The following NEDD4 variants were observed in gnomAD, a reference collection of about 807,000 sequenced individuals.
NEDD4 encodes the protein E3 ubiquitin-protein ligase NEDD4.
Under a neutral mutation model 144.9 loss-of-function variants are expected in NEDD4, and 99 were observed. The observed-to-expected ratio is 0.68, with a 90% CI of 0.58 to 0.81. The LOEUF (loss-of-function observed/expected upper bound fraction) is 0.81. Ranked by LOEUF, NEDD4 falls within the 30% of genes least tolerant of loss-of-function variation. The pLI is 0.00. For synonymous variants in NEDD4, 318 were observed against 350.6 expected (o/e 0.91, Z 1.04); for missense variants, 985 against 1,065.9 (o/e 0.92, Z 1.06).
At chr15:55,987,117 A>T (rs1189205244) in intron 1 of NEDD4, 1 of 118,016 alleles carries the variant, frequency 8.5e-6, no homozygotes, top group Non-Finnish European at 1.7e-5. Context: ...ATTTCTCCAC[A>T]TCCTCTCCAG....
In NEDD4 at chr15:55,915,472, G is replaced by A. The variant is rs867678028; in HGVS notation, c.291+9174C>T. 19 of 1,613,544 alleles carry A rather than the reference G, an allele frequency of 1.2e-5. No homozygotes were observed. The Middle Eastern group carries it at 1.6e-3, about 140-fold the overall frequency. On this transcript the variant is annotated intron_variant, in intron 5 of 28. Transcript: ENST00000435532. ...GCTCCTCCCAATGAAATACTTCTTC[G>A]TAAAATACCATGGTTTTTGTTCATC...
rs1326678578 is a variant in NEDD4, at chr15:55,951,426, T to C, written c.199-12A>G. 2 of 1,139,470 alleles carry C rather than the reference T, an allele frequency of 1.8e-6. No individual in the cohort carries two copies. Among genetic ancestry groups the C allele is most frequent in the Non-Finnish European group, 2.5e-6 (2 of 804,620 alleles). The allele number at this position is 1,139,470 out of a possible 1,614,324, so 70.6% of individuals were successfully genotyped here. ...TTTGGATTCAAACTCTAAAAAATAA[T>C]AAACATAGTATAACTAAATAAGGTT... On this transcript the variant is annotated splice_polypyrimidine_tract_variant and intron_variant, in intron 3 of 28. Coordinates refer to ENST00000435532, the MANE Select transcript of NEDD4 (RefSeq NM_006154.4).
At chr15:55,837,906 A>G (rs2033287472) in intron 23 of NEDD4, 57 bp from the exon 24 acceptor site, 24 of 1,402,172 alleles carry the variant, frequency 1.7e-5, no homozygotes, top group Non-Finnish European at 2.2e-5. Flanking sequence ...CTGAGGCACA[A>G]TTATTCTAGT....
rs56960244 is a variant in NEDD4 at position 55,974,737 on chromosome 15, A to AAAC, written c.46-8192_46-8191insGTT. ...ACATCTCTTCATGATAAAAAAAAAA[A>AAAC]CCCTCAAAAACCTGACTATAGATGG... On this transcript the variant is annotated intron_variant, in intron 1 of 28. Transcript: ENST00000435532. Among the ~76,000 whole-genome samples, 32 of 150,696 alleles carry AAAC rather than the reference A, an allele frequency of 2.1e-4. 1 individual carries two copies. In the East Asian group the frequency reaches 4.1e-3, roughly 19 times the overall value.
chr15:55,866,133 C>T (rs545207476), intron 8 of NEDD4, among the ~76,000 whole-genome samples: 1 of 152,020 alleles, frequency 6.6e-6, no homozygotes, highest in East Asian at 1.9e-4. Context: ...AGGCTGGTCT[C>T]AAACTCCTGG....
chr15:55,869,648 T>C lies in NEDD4; in HGVS notation c.438A>G (p.Leu146=), dbSNP rs1429353781. Reference sequence around the variant, plus strand: ...TGGTTTTAGGTAAATAAGTCATTTTTAGTCTCAGATAACCTTTAACTCTTG... The same window carrying C: ...TGGTTTTAGGTAAATAAGTCATTTTCAGTCTCAGATAACCTTTAACTCTTG... ...HKSRVKGYLR[L]KMTYLPKTSG... is the part of the protein sequence containing the mutation. Residue 146 remains leucine, a synonymous_variant, in exon 8 of 29, where the codon CTA becomes CTG. Coordinates refer to ENST00000435532, the MANE Select transcript of NEDD4 (RefSeq NM_006154.4). 1.9e-6 allele frequency: 3 copies of C among 1,571,378 alleles called. No individual in the cohort carries two copies. The highest frequency in any genetic ancestry group is 1.2e-5 in the South Asian group (1 of 85,782).
chr15:55,951,531 G>A lies in NEDD4; in HGVS notation c.178C>T (p.Gln60Ter). 6.6e-7 allele frequency: 1 copy of A among 1,524,134 alleles called. No individual in the cohort carries two copies. Among genetic ancestry groups the A allele is most frequent in the Non-Finnish European group, 8.8e-7 (1 of 1,138,024 alleles). The allele number at this position is 1,524,134 out of a possible 1,614,324, so 94.4% of individuals were successfully genotyped here. The change falls in exon 3 of 29, where the codon CAA becomes TAA. Residue 60 changes from glutamine (Q) to a stop codon, truncating the protein, a stop_gained. Transcript: ENST00000435532. LOFTEE classifies it high-confidence loss of function. ...CTAACCTTTTTAATGGTTTTTGTTT[G>A]CACACTTGTAAGAACTCCATTCATT... is the stretch of plus-strand genomic sequence containing the variant. ...DPMNGVLTSV[Q>*]TKTIKKSLNP...
chr15:55,842,893 C>T (rs2033578018), intron 18 of NEDD4, among the ~76,000 whole-genome samples: 1 of 152,196 alleles, frequency 6.6e-6, no homozygotes, highest in African/African-American at 2.4e-5. Context: ...CATTTACAGA[C>T]TGTGCCAGTG....
intron 2 of NEDD4, among the ~76,000 whole-genome samples, chr15:55,964,485 T>A (rs1185869260): frequency 1.3e-5 from 2 of 152,212 alleles, no homozygotes; most frequent in Non-Finnish European, 2.9e-5. Flanking sequence ...CATTTTTTTA[T>A]GGTTTCCATT....
At chr15:55,915,047 C>T (rs2036390508) in intron 5 of NEDD4, among the ~76,000 whole-genome samples, 2 of 151,942 alleles carry the variant, frequency 1.3e-5, no homozygotes, top group African/African-American at 2.4e-5. Context: ...TAGCTTAAAT[C>T]ACTTAGGAAG....
Position 55,850,892 on chromosome 15 carries a change from T to C in NEDD4, c.1147-150A>G, listed in dbSNP as rs146888635. ...TGAGGCTCATTTTCAAATGTAGTTA[T>C]GGCATGTTAATATTTTCCCAACATT... On this transcript the variant is annotated intron_variant, in intron 13 of 28. Coordinates refer to ENST00000435532, the MANE Select transcript of NEDD4 (RefSeq NM_006154.4). 2.0e-3 allele frequency: 1,208 copies of C among 602,904 alleles called. 10 individuals carry two copies. In the African/African-American group the frequency reaches 0.02, roughly 10 times the overall value. 37.3% of individuals were successfully genotyped at this position (602,904 alleles called of 1,614,324 possible).
At chr15:55,863,980 C>G (rs200103497) in intron 8 of NEDD4, among the ~76,000 whole-genome samples, 5 of 152,118 alleles carry the variant, frequency 3.3e-5, no homozygotes, top group African/African-American at 1.2e-4. Context: ...GGCATTTTAT[C>G]AAGTCATAAA....
At chr15:55,875,430 C>T (rs1456922295) in intron 5 of NEDD4, among the ~76,000 whole-genome samples, 1 of 152,074 alleles carries the variant, frequency 6.6e-6, no homozygotes, top group African/African-American at 2.4e-5. Context: ...CTTGTCTTAG[C>T]CACACAGGTA....
chr15:55,977,047 C>A (rs1255811479), intron 1 of NEDD4, among the ~76,000 whole-genome samples: 1 of 152,154 alleles, frequency 6.6e-6, no homozygotes, highest in Non-Finnish European at 1.5e-5. Context: ...GCTTGTATGC[C>A]TTTCTCAGAA....
intron 7 of NEDD4, among the ~76,000 whole-genome samples, chr15:55,870,407 A>C (rs993230715): frequency 5.3e-5 from 8 of 151,780 alleles, no homozygotes; most frequent in African/African-American, 1.9e-4. Context: ...ATATTGTATC[A>C]CCTTTTTGAA....
intron 22 of NEDD4, 33 bp downstream of exon 22, chr15:55,838,476 A>C: frequency 4.3e-6 from 6 of 1,398,262 alleles, no homozygotes; most frequent in Non-Finnish European, 6.1e-6. Flanking sequence ...CTCACAATTT[A>C]TGTGCCATTT....
chr15:55,989,130 G>T (rs999907240), intron 1 of NEDD4, among the ~76,000 whole-genome samples: 4 of 152,128 alleles, frequency 2.6e-5, no homozygotes, highest in African/African-American at 9.7e-5. Context: ...CAGCTACCCT[G>T]GAGGGTGATG....
At chr15:55,948,356 A>G (rs140525099) in intron 4 of NEDD4, among the ~76,000 whole-genome samples, 2,285 of 152,360 alleles carry the variant, frequency 0.015, 64 homozygotes, top group African/African-American at 0.052. Flanking sequence ...AAGAATCAAT[A>G]TTGTGAAAAT....
chr15:55,851,521 G>A (rs1324397723), intron 13 of NEDD4, among the ~76,000 whole-genome samples: 1 of 151,488 alleles, frequency 6.6e-6, no homozygotes, highest in Non-Finnish European at 1.5e-5. Flanking sequence ...TTGTTGCCCA[G>A]GCTGGAGTGC....
Sources: gnomAD v4.1 joint callset for allele counts (sites outside exome capture counted in the v4.1 genomes callset) on GRCh38, gnomAD v4.1.1 for gene constraint, MANE v1.5 for transcripts, NCBI Gene and HGNC (gene_info 2026-07-23, HGNC 2026-07-21) for gene names.